The following KAT6B variants were observed in gnomAD, a reference collection of about 807,000 sequenced individuals.
The protein encoded by KAT6B is lysine acetyltransferase 6B.
A neutral mutation model predicts 187.5 loss-of-function variants in KAT6B; 10 were observed. The ratio of observed to expected loss-of-function variants is 0.05; its 90% CI spans 0.03 to 0.09. KAT6B has a LOEUF of 0.09. Ranked by LOEUF, KAT6B falls within the 10% of genes least tolerant of loss-of-function variation. The probability of loss-of-function intolerance (pLI) is 1.00; values close to 1 mark genes in which losing one functional copy is unlikely to be tolerated. For missense variants in KAT6B, 1,952 were observed against 2,558.9 expected (o/e 0.76, Z 5.12); for synonymous variants, 861 against 926.8 (o/e 0.93, Z 1.29).
At chr10:75,010,467 T>TG (rs2134050623) in intron 13 of KAT6B, among the ~76,000 whole-genome samples, 1 of 152,354 alleles carries the variant, frequency 6.6e-6, no homozygotes, top group Non-Finnish European at 1.5e-5. Context: ...TCTTCAATCT[T>TG]GCTGTGTATT....
chr10:74,829,476 A>G lies in KAT6B; in HGVS notation c.-329+2691A>G, dbSNP rs1287529476. 3.4e-5 allele frequency among the ~76,000 whole-genome samples: 5 copies of G among 148,098 alleles called. No homozygotes were observed. In the East Asian group the frequency reaches 9.9e-4, roughly 29 times the overall value. ...AAATAGTTTTTTTTTTTTTTTTGAGACAGTCTTGCTCTGTTGCCCAGGCTG... is the reference window on the plus strand; with the variant it reads ...AAATAGTTTTTTTTTTTTTTTTGAGGCAGTCTTGCTCTGTTGCCCAGGCTG... On this transcript the variant is annotated intron_variant, in intron 1 of 17. Transcript: ENST00000287239.
chr10:75,021,993 A>G lies in KAT6B; in HGVS notation c.3134A>G (p.Tyr1045Cys), dbSNP rs779818922. 6.2e-7 allele frequency: 1 copy of G among 1,614,094 alleles called. No individual in the cohort carries two copies. The highest frequency in any genetic ancestry group is 8.5e-7 in the Non-Finnish European group (1 of 1,180,016). ...GCAAAAGTACAATCGAAAAATAAAT[A>G]TTTGCATTCCCCGGAGAGCCGGCCA... ...SPAKVQSKNK[Y>C]LHSPESRPVT... is the part of the protein sequence containing the mutation. The change falls in exon 16 of 18, where the codon TAT becomes TGT. Residue 1045 changes from tyrosine (Y) to cysteine (C), a missense_variant. By Grantham distance (194) the Tyr-to-Cys change is radical (BLOSUM62 -2). Transcript: ENST00000287239.
intron 13 of KAT6B, among the ~76,000 whole-genome samples, chr10:75,013,174 T>G (rs1031863054): frequency 6.6e-6 from 1 of 152,174 alleles, no homozygotes; most frequent in African/African-American, 2.4e-5. Flanking sequence ...TCATCTGTCT[T>G]GGGACTGTCC....
intron 3 of KAT6B, among the ~76,000 whole-genome samples, chr10:74,850,588 G>T (rs1035861949): frequency 1.3e-5 from 2 of 152,216 alleles, no homozygotes; most frequent in African/African-American, 4.8e-5. Flanking sequence ...CTTCGGTGAG[G>T]TGATATGGAA....
rs1317478816 is a variant in KAT6B at position 74,944,112 on chromosome 10, T to C, written c.622-15858T>C. On this transcript the variant is annotated intron_variant, in intron 3 of 17. Transcript: ENST00000287239. ...AAGCAGCACTGGATGGAGGGAGATG[T>C]TGAGCAGTGATGCGGCCCAGGAACA... Among the ~76,000 whole-genome samples, 3 of 152,192 alleles carry C rather than the reference T, an allele frequency of 2.0e-5. 1 individual carries two copies. Among genetic ancestry groups the C allele is most frequent in the Admixed American group, 6.5e-5 (1 of 15,276 alleles).
upstream of KAT6B, chr10:74,825,490 C>G (rs1455637195): frequency 2.0e-5 from 3 of 152,464 alleles, no homozygotes; most frequent in African/African-American, 7.4e-5. This position sits in a 1 kb window ranked among gnomAD's most constrained non-coding sequence, Gnocchi z 5.0. Context: ...CGCTGCAGCC[C>G]GGAGCCGAGG....
At chr10:75,025,533 C>A (rs1845755814) in intron 17 of KAT6B, 2 of 370,808 alleles carry the variant, frequency 5.4e-6, no homozygotes, top group South Asian at 7.0e-5. Flanking sequence ...AGTCTGTTGA[C>A]AAGAAACACA....
intron 3 of KAT6B, among the ~76,000 whole-genome samples, chr10:74,889,982 CTTG>C (rs1361826030): frequency 6.6e-6 from 1 of 151,894 alleles, no homozygotes; most frequent in Non-Finnish European, 1.5e-5. Flanking sequence ...GGAGAGGACA[CTTG>C]GCCAAGATGC....
intron 3 of KAT6B, among the ~76,000 whole-genome samples, chr10:74,878,062 G>A (rs1012006389): frequency 4.6e-5 from 7 of 152,212 alleles, no homozygotes; most frequent in Non-Finnish European, 1.0e-4. Flanking sequence ...CCCACAGAAA[G>A]GGATGGCATT....
At chr10:74,841,674 A>T (rs1427204997) in intron 2 of KAT6B, among the ~76,000 whole-genome samples, 1 of 152,178 alleles carries the variant, frequency 6.6e-6, no homozygotes, top group Admixed American at 6.5e-5. Flanking sequence ...TTACCCACAA[A>T]GTTCTGCAGT....
intron 3 of KAT6B, among the ~76,000 whole-genome samples, chr10:74,922,938 G>A (rs1362292715): frequency 2.0e-5 from 3 of 152,196 alleles, no homozygotes; most frequent in African/African-American, 4.8e-5. Context: ...CAAAATTGCC[G>A]TGGATGGTCT....
intron 3 of KAT6B, among the ~76,000 whole-genome samples, chr10:74,885,734 C>CTTTT: frequency 7.4e-6 from 1 of 135,554 alleles, no homozygotes; most frequent in Non-Finnish European, 1.6e-5. Context: ...AGGAGAAGTT[C>CTTTT]TTTTTTTTTT....
intron 3 of KAT6B, among the ~76,000 whole-genome samples, chr10:74,910,638 CA>C (rs1847136392): frequency 6.7e-6 from 1 of 150,218 alleles, no homozygotes; most frequent in African/African-American, 2.5e-5. Context: ...GATATTTTTC[CA>C]TATTCCATTA....
intron 3 of KAT6B, among the ~76,000 whole-genome samples, chr10:74,858,167 G>A (rs950517886): frequency 0.38 from 98 of 256 alleles, 1 homozygote; most frequent in Non-Finnish European, 0.25. Context: ...GAGCAGGAAC[G>A]GGGGCGTGCA....
Position 74,985,070 on chromosome 10 carries a change from T to C in KAT6B, c.2374-10T>C, listed in dbSNP as rs376833457. 4.3e-4 allele frequency: 696 copies of C among 1,613,086 alleles called. No individual in the cohort carries two copies. Among genetic ancestry groups the C allele is most frequent in the Non-Finnish European group, 5.4e-4 (639 of 1,179,068 alleles). ...TATGTTAAATAATGTTGTCTGTTTC[T>C]TTTTGCTAGGTTGATGGGAATATGA... On this transcript the variant is annotated splice_polypyrimidine_tract_variant and intron_variant, in intron 11 of 17. Coordinates refer to ENST00000287239, the MANE Select transcript of KAT6B (RefSeq NM_012330.4).
intron 3 of KAT6B, among the ~76,000 whole-genome samples, chr10:74,899,248 AATTATTATT>A (rs67324777): frequency 0.081 from 11,556 of 142,284 alleles, 603 homozygotes; most frequent in South Asian, 0.26. Context: ...ATTCTAAATG[AATTATTATT>A]ATTATTATTA....
intron 13 of KAT6B, among the ~76,000 whole-genome samples, chr10:75,002,746 T>C (rs767905673): frequency 2.0e-5 from 3 of 152,246 alleles, no homozygotes; most frequent in Non-Finnish European, 2.9e-5. Flanking sequence ...TATAATCTTA[T>C]GGGACTACCA....
At chr10:74,898,028 T>C (rs1382932086) in intron 3 of KAT6B, among the ~76,000 whole-genome samples, 2 of 152,176 alleles carry the variant, frequency 1.3e-5, no homozygotes, top group Non-Finnish European at 2.9e-5. Context: ...CATAGGCCCT[T>C]ATATGTGTTT....
chr10:74,967,069 G>A (rs1165325477), intron 4 of KAT6B, among the ~76,000 whole-genome samples: 1 of 151,834 alleles, frequency 6.6e-6, no homozygotes, highest in Non-Finnish European at 1.5e-5. Context: ...GCTCACACCT[G>A]TAATCCCAGC....
Sources: allele counts gnomAD v4.1 joint callset (sites outside exome capture counted in the v4.1 genomes callset), GRCh38; gene constraint gnomAD v4.1.1; non-coding constraint Gnocchi (gnomAD v3.1); transcripts MANE v1.5; gene names NCBI Gene and HGNC (gene_info 2026-07-23, HGNC 2026-07-21).